CYSLTR2: variants seen among roughly 807,000 people sequenced by gnomAD.
CYSLTR2 encodes the protein G-protein coupled receptor GPCR21.
For synonymous variants in CYSLTR2, 179 were observed against 160.8 expected (o/e 1.11, Z -0.86); for missense variants, 398 against 411.9 (o/e 0.97, Z 0.29).
rs1380549755 is a variant in CYSLTR2, at chr13:48,709,745, A to G, written c.*1887A>G. The G allele has an allele frequency of 1.3e-5, 2 of 152,250 alleles. No individual in the cohort carries two copies. The highest frequency in any genetic ancestry group is 2.9e-5 in the Non-Finnish European group (2 of 68,032). 9.4% of individuals were successfully genotyped at this position (152,250 alleles called of 1,614,324 possible). ...TGAGTATAAAAGATCCTCCAAAATA[A>G]GAGATTAAACCAAGATAGAGGAAAA... On this transcript the variant is annotated 3_prime_UTR_variant, in exon 5 of 5. Coordinates refer to ENST00000682523, the MANE Select transcript of CYSLTR2 (RefSeq NM_001308476.3).
intron 1 of CYSLTR2, among the ~76,000 whole-genome samples, chr13:48,681,990 T>G (rs1953767848): frequency 6.6e-6 from 1 of 152,172 alleles, no homozygotes; most frequent in Admixed American, 6.6e-5. Context: ...TATGGCCATG[T>G]GAAAAGGGCA....
intron 4 of CYSLTR2, among the ~76,000 whole-genome samples, chr13:48,705,701 C>T (rs1954464054): frequency 6.7e-6 from 1 of 149,992 alleles, no homozygotes; most frequent in Non-Finnish European, 1.5e-5. Context: ...TAGAAAACTT[C>T]TTATTTCCTC....
intron 3 of CYSLTR2, among the ~76,000 whole-genome samples, chr13:48,694,173 A>G (rs533466026): frequency 1.3e-5 from 2 of 148,678 alleles, no homozygotes; most frequent in South Asian, 4.2e-4. Flanking sequence ...GAGGGCTGAG[A>G]AACGAAAAAA....
intron 1 of CYSLTR2, among the ~76,000 whole-genome samples, chr13:48,689,572 G>A (rs186104364): frequency 6.6e-6 from 1 of 152,182 alleles, no homozygotes; most frequent in African/African-American, 2.4e-5. Flanking sequence ...TAGATGTGTG[G>A]TGTTATTTCT....
chr13:48,700,401 A>C (rs1954309258), intron 4 of CYSLTR2, among the ~76,000 whole-genome samples: 1 of 152,268 alleles, frequency 6.6e-6, no homozygotes, highest in Non-Finnish European at 1.5e-5. Context: ...TCATGTAAAC[A>C]GAACCAAAGA....
intron 1 of CYSLTR2, among the ~76,000 whole-genome samples, chr13:48,683,715 G>A (rs574360654): frequency 5.3e-5 from 8 of 152,146 alleles, no homozygotes; most frequent in Non-Finnish European, 5.9e-5. Flanking sequence ...TTCTTTTGCT[G>A]TGCAGAAGCT....
chr13:48,681,775 C>T (rs1251061221), intron 1 of CYSLTR2, among the ~76,000 whole-genome samples: 4 of 152,174 alleles, frequency 2.6e-5, no homozygotes, highest in African/African-American at 9.7e-5. Context: ...TCGAGCTGCC[C>T]TCTCCCTGCA....
chr13:48,677,870 T>A (rs1413223922), intron 1 of CYSLTR2, among the ~76,000 whole-genome samples: 1 of 100,144 alleles, frequency 1.0e-5, no homozygotes, highest in East Asian at 3.1e-4. Context: ...CTGGTACTAT[T>A]TTTTTTTTTT....
At chr13:48,690,183 TC>T (rs1954002995) in intron 1 of CYSLTR2, among the ~76,000 whole-genome samples, 1 of 151,824 alleles carries the variant, frequency 6.6e-6, no homozygotes, top group Non-Finnish European at 1.5e-5. Context: ...AAATATACAG[TC>T]ATGTCATCTG....
chr13:48,689,583 G>A (rs1953983378), intron 1 of CYSLTR2, among the ~76,000 whole-genome samples: 1 of 152,036 alleles, frequency 6.6e-6, no homozygotes, highest in Non-Finnish European at 1.5e-5. Context: ...TGTTATTTCT[G>A]AGGCCTCTGT....
chr13:48,672,616 C>CTTTTTTTTTT (rs71076039), intron 1 of CYSLTR2, among the ~76,000 whole-genome samples: 61 of 120,074 alleles, frequency 5.1e-4, no homozygotes, highest in Non-Finnish European at 7.5e-4. Flanking sequence ...CTTTTCTTTT[C>CTTTTTTTTTT]TTTTTTTTTT....
In CYSLTR2 at chr13:48,670,472, G is replaced by C. The variant is rs192718112; in HGVS notation, c.-266+16455G>C. Among the ~76,000 whole-genome samples, 859 of 152,130 alleles carry C rather than the reference G, an allele frequency of 5.6e-3. 12 individuals are homozygous for C. Among genetic ancestry groups the C allele is most frequent in the South Asian group, 0.011 (54 of 4,808 alleles). On this transcript the variant is annotated intron_variant, in intron 1 of 4. Coordinates refer to ENST00000682523, the MANE Select transcript of CYSLTR2 (RefSeq NM_001308476.3). ...TTTTTGTATAAGGTGTAAGGGAGGG[G>C]CTCAGTTTCAGTTTTCTGCATATGG...
intron 1 of CYSLTR2, among the ~76,000 whole-genome samples, chr13:48,666,562 C>G (rs370597032): frequency 6.6e-6 from 1 of 152,060 alleles, no homozygotes; most frequent in Non-Finnish European, 1.5e-5. Context: ...GAACTGTGTC[C>G]GATAAATCCT....
chr13:48,705,688 G>T (rs921014053), intron 4 of CYSLTR2, among the ~76,000 whole-genome samples: 3 of 149,764 alleles, frequency 2.0e-5, no homozygotes, highest in Non-Finnish European at 4.4e-5. Flanking sequence ...TTCAAGTGAA[G>T]TATAGAAAAC....
intron 1 of CYSLTR2, among the ~76,000 whole-genome samples, chr13:48,678,343 T>C (rs1953657152): frequency 6.6e-6 from 1 of 151,906 alleles, no homozygotes; most frequent in Admixed American, 6.6e-5. Flanking sequence ...AACACTCACT[T>C]CTCCTTAAAG....
At chr13:48,687,924 C>A (rs567598757) in intron 1 of CYSLTR2, among the ~76,000 whole-genome samples, 1 of 152,122 alleles carries the variant, frequency 6.6e-6, no homozygotes, top group Non-Finnish European at 1.5e-5. Flanking sequence ...AGGAATTTGC[C>A]TTTTTCTTTA....
At chr13:48,698,664 C>T (rs1421537382) in intron 4 of CYSLTR2, among the ~76,000 whole-genome samples, 2 of 152,176 alleles carry the variant, frequency 1.3e-5, no homozygotes, top group Admixed American at 1.3e-4. Flanking sequence ...CAAATTCACA[C>T]ATAACAATAT....
At chr13:48,681,067 T>C (rs991111630) in intron 1 of CYSLTR2, among the ~76,000 whole-genome samples, 1 of 152,102 alleles carries the variant, frequency 6.6e-6, no homozygotes, top group African/African-American at 2.4e-5. Flanking sequence ...TCAATGCCTC[T>C]GGCTTCTGTG....
chr13:48,675,617 T>C (rs148542845), intron 1 of CYSLTR2, among the ~76,000 whole-genome samples: 15 of 152,280 alleles, frequency 9.9e-5, no homozygotes, highest in Admixed American at 2.6e-4. Flanking sequence ...GCAAGATCAC[T>C]TGGCTCCCTG....
Sources: allele counts gnomAD v4.1 joint callset (sites outside exome capture counted in the v4.1 genomes callset), GRCh38; gene constraint gnomAD v4.1.1; transcripts MANE v1.5; gene names NCBI Gene and HGNC (gene_info 2026-07-23, HGNC 2026-07-21).